HDAC4: variants seen among roughly 807,000 people sequenced by gnomAD.
The protein encoded by HDAC4 is histone deacetylase 4.
In HDAC4, 16 loss-of-function variants were observed where a neutral mutation model predicts 135.1. The ratio of observed to expected loss-of-function variants is 0.12; its 90% CI spans 0.08 to 0.18. The LOEUF is 0.18. HDAC4 is among the 10% of genes least tolerant of loss of function. The pLI, the probability that HDAC4 is intolerant of heterozygous loss-of-function variation, is 1.00. For missense variants in HDAC4, 1,143 were observed against 1,511.8 expected, an observed-to-expected ratio of 0.76 and a Z score of 4.05; for synonymous variants, 685 against 653.4, an observed-to-expected ratio of 1.05 and a Z score of -0.74.
Position 239,139,570 on chromosome 2 carries a change from C to T in HDAC4, c.978+114G>A. ...ATGGCTCACAGGCCACTTTCCCTCA[C>T]CCCAAATTGGAAGGTGAAGAGTGAA... is the stretch of plus-strand genomic sequence containing the variant. On this transcript the variant is annotated intron_variant, in intron 9 of 26. Transcript: ENST00000543185. This position sits in a 1 kb window ranked among gnomAD's most constrained non-coding sequence, Gnocchi z 5.3. The T allele has an allele frequency of 4.1e-6, 4 of 983,684 alleles. No individual in the cohort carries two copies. Among genetic ancestry groups the T allele is most frequent in the East Asian group, 2.4e-5 (1 of 41,900 alleles). The allele number at this position is 983,684 out of a possible 1,614,324, so 60.9% of individuals were successfully genotyped here. A position where few individuals can be genotyped will look rare whatever the true frequency, so the allele number is the denominator to read the frequency against.
At position 239,088,540 on chromosome 2, in the gene HDAC4, T is replaced by C. The variant is rs550743625; in HGVS notation, c.2389-926A>G. 2.6e-5 allele frequency among the ~76,000 whole-genome samples: 4 copies of C among 152,358 alleles called. No individual in the cohort carries two copies. In the South Asian group the frequency reaches 8.3e-4, roughly 32 times the overall value. ...TAGTCCACGTAGTCCTGAGGCTCTA[T>C]GTACTCTTTTCACTGCCCTGACACC... On this transcript the variant is annotated intron_variant, in intron 18 of 26. Coordinates refer to ENST00000543185, the MANE Select transcript of HDAC4 (RefSeq NM_001378414.1).
chr2:239,341,480 G>A (rs1191182809), intron 2 of HDAC4, among the ~76,000 whole-genome samples: 1 of 152,180 alleles, frequency 6.6e-6, no homozygotes, highest in Admixed American at 6.5e-5. Flanking sequence ...TACCTAACAG[G>A]GAGGGAGGAA....
intron 13 of HDAC4, among the ~76,000 whole-genome samples, chr2:239,114,622 G>A (rs1299808018): frequency 6.6e-6 from 1 of 152,236 alleles, no homozygotes; most frequent in Non-Finnish European, 1.5e-5. Flanking sequence ...CTGCAGGGCT[G>A]CTCATTAGCA....
At chr2:239,320,240 G>A (rs577976081) in intron 2 of HDAC4, among the ~76,000 whole-genome samples, 17 of 151,558 alleles carry the variant, frequency 1.1e-4, no homozygotes, top group Admixed American at 1.0e-3. Context: ...AAAGTTAGCT[G>A]GCGTGGTGGG....
Position 239,144,683 on chromosome 2 carries a change from C to G in HDAC4, c.765G>C (p.Arg255Ser). 1 of 1,614,172 alleles carries G rather than the reference C, an allele frequency of 6.2e-7. No individual in the cohort carries two copies. The highest frequency in any genetic ancestry group is 8.5e-7 in the Non-Finnish European group (1 of 1,180,030). Reference protein sequence around the residue: ...ASEPNLKLRSRLKQKVAERRS... With the variant: ...ASEPNLKLRSSLKQKVAERRS... ...GTCTTTCGGCCACTTTCTGCTTTAG[C>G]CTGGACCGTAATTTCAGATTCGGTT... is the stretch of plus-strand genomic sequence containing the variant. Residue 255 changes from arginine to serine, a missense_variant, in exon 8 of 27, where the codon AGG (arginine) becomes AGC (serine). Transcript: ENST00000543185.
chr2:239,126,355 C>A, intron 12 of HDAC4, 101 bp downstream of exon 12: 1 of 1,590,456 alleles, frequency 6.3e-7, no homozygotes, highest in South Asian at 1.1e-5. Context: ...TGCCTCCTGG[C>A]CTCCCTTAAG....
At chr2:239,360,691 G>A (rs753681619) in intron 1 of HDAC4, among the ~76,000 whole-genome samples, 2 of 150,642 alleles carry the variant, frequency 1.3e-5, no homozygotes, top group African/African-American at 2.4e-5. Context: ...GAGCGGGGAC[G>A]CCCGAGCTCT....
At chr2:239,162,458 C>A (rs2042866407) in intron 6 of HDAC4, 2 of 409,600 alleles carry the variant, frequency 4.9e-6, no homozygotes, top group Non-Finnish European at 5.0e-6. Flanking sequence ...CCTGCCCCAG[C>A]CAGTAGGACA....
intron 11 of HDAC4, among the ~76,000 whole-genome samples, chr2:239,131,411 C>T (rs953755108): frequency 6.6e-6 from 1 of 152,150 alleles, no homozygotes; most frequent in Non-Finnish European, 1.5e-5. Flanking sequence ...GTCCAGGAGA[C>T]CAACTCAAGC....
chr2:239,128,419 C>T (rs771025293), intron 11 of HDAC4, among the ~76,000 whole-genome samples: 42 of 152,028 alleles, frequency 2.8e-4, no homozygotes, highest in Non-Finnish European at 5.3e-4. Flanking sequence ...ATCGCAGCTA[C>T]TCAGGAGGCT....
intron 5 of HDAC4, among the ~76,000 whole-genome samples, chr2:239,170,220 G>A (rs1403907659): frequency 1.3e-5 from 2 of 152,052 alleles, no homozygotes; most frequent in Non-Finnish European, 2.9e-5. Flanking sequence ...GTCTGAAATA[G>A]CAAATATTTA....
intron 1 of HDAC4, among the ~76,000 whole-genome samples, chr2:239,356,872 AAAT>A (rs1349895344): frequency 2.0e-5 from 3 of 152,146 alleles, no homozygotes; most frequent in African/African-American, 4.8e-5. Flanking sequence ...GTATAAAATA[AAAT>A]AATAATATAA....
intron 3 of HDAC4, among the ~76,000 whole-genome samples, chr2:239,203,456 T>C (rs1287864534): frequency 6.6e-6 from 1 of 152,170 alleles, no homozygotes; most frequent in Non-Finnish European, 1.5e-5. Context: ...AATTACACTT[T>C]CAGGATATAA....
At chr2:239,098,818 G>T (rs1179488351) in intron 16 of HDAC4, among the ~76,000 whole-genome samples, 1 of 152,232 alleles carries the variant, frequency 6.6e-6, no homozygotes, top group Non-Finnish European at 1.5e-5. Context: ...TGATGATAAT[G>T]AAGTTTCTGG....
intron 22 of HDAC4, among the ~76,000 whole-genome samples, chr2:239,076,291 C>T (rs3791364): frequency 1.5e-3 from 229 of 152,174 alleles, no homozygotes; most frequent in Non-Finnish European, 2.4e-3. Flanking sequence ...TCTGCTTCCT[C>T]GAAAGGCCAT....
intron 22 of HDAC4, among the ~76,000 whole-genome samples, chr2:239,069,604 G>GAGCA (rs2033940307): frequency 1.3e-5 from 1 of 75,094 alleles, no homozygotes; most frequent in Non-Finnish European, 2.9e-5. Context: ...GTGAGAGTGA[G>GAGCA]TCACAGTGCA....
Position 239,363,655 on chromosome 2 carries a change from A to C in HDAC4, c.-219-10737T>G, listed in dbSNP as rs145436254. On this transcript the variant is annotated intron_variant, in intron 1 of 26. Transcript: ENST00000543185. The stretch of plus-strand genomic sequence containing the variant: ...CCTGGTCTAAAAGACAACAACAAAA[A>C]ATATCTTCAGGTGGGCAAAGATAGA... 3.3e-4 allele frequency among the ~76,000 whole-genome samples: 51 copies of C among 152,356 alleles called. No homozygotes were observed. The East Asian group carries it at 7.7e-3, about 23-fold the overall frequency.
At chr2:239,162,185 T>C (rs1196949166) in intron 6 of HDAC4, 1 of 456,612 alleles carries the variant, frequency 2.2e-6, no homozygotes, top group African/African-American at 2.0e-5. Flanking sequence ...GTGCTCCTCT[T>C]CAGAAAGGGC....
At chr2:239,386,980 A>G (rs1695854726) in intron 1 of HDAC4, among the ~76,000 whole-genome samples, 1 of 152,240 alleles carries the variant, frequency 6.6e-6, no homozygotes, top group Non-Finnish European at 1.5e-5. Context: ...ATCACGCCAG[A>G]GGAGCCAGAC....
Sources: gnomAD v4.1 joint callset for allele counts (sites outside exome capture counted in the v4.1 genomes callset) on GRCh38, gnomAD v4.1.1 for gene constraint, Gnocchi (gnomAD v3.1) non-coding constraint, MANE v1.5 for transcripts, NCBI Gene and HGNC (gene_info 2026-07-23, HGNC 2026-07-21) for gene names.